The following XDH variants were observed in gnomAD, a reference collection of about 807,000 sequenced individuals.
XDH encodes the protein xanthine dehydrogenase, also known as xanthine dehydrogenase/oxidase.
Under a neutral mutation model 156.1 loss-of-function variants are expected in XDH, and 138 were observed. That is an observed-to-expected ratio of 0.88 (90% CI 0.77 to 1.02). XDH has a LOEUF of 1.02. XDH is among the 50% of genes least tolerant of loss of function. The pLI, the probability that XDH is intolerant of heterozygous loss-of-function variation, is 0.00. For synonymous variants in XDH, 669 were observed against 625.7 expected, an observed-to-expected ratio of 1.07 and a Z score of -1.03; for missense variants, 1,849 against 1,684.9, an observed-to-expected ratio of 1.10 and a Z score of -1.71.
intron 6 of XDH, among the ~76,000 whole-genome samples, chr2:31,390,115 T>C (rs1686723829): frequency 1.3e-5 from 2 of 152,344 alleles, no homozygotes; most frequent in East Asian, 1.9e-4. Flanking sequence ...TTGACCCTTA[T>C]GATATCTTAC....
At chr2:31,379,139 G>A (rs1418262613) in intron 13 of XDH, among the ~76,000 whole-genome samples, 1 of 152,094 alleles carries the variant, frequency 6.6e-6, no homozygotes, top group Non-Finnish European at 1.5e-5. Flanking sequence ...GATGTGTTCT[G>A]AGCTGGTAGC....
intron 17 of XDH, 147 bp downstream of exon 17, chr2:31,372,081 T>A: frequency 8.4e-7 from 1 of 1,191,204 alleles, no homozygotes; most frequent in Non-Finnish European, 1.2e-6. Context: ...GCCTATAAGG[T>A]CTTCCCCTCT....
intron 15 of XDH, among the ~76,000 whole-genome samples, chr2:31,375,023 C>CTTTTTTTTTTTTTTTTT (rs60340656): frequency 2.2e-5 from 2 of 92,350 alleles, no homozygotes; most frequent in African/African-American, 1.0e-4. Context: ...TTCTTTCTTT[C>CTTTTTTTTTTTTTTTTT]TTTTTTTTTT....
intron 24 of XDH, among the ~76,000 whole-genome samples, chr2:31,352,646 C>G (rs1685515762): frequency 6.6e-6 from 1 of 152,178 alleles, no homozygotes; most frequent in Admixed American, 6.5e-5. Context: ...AATTGAAAAT[C>G]TTGTAGGATG....
intron 19 of XDH, 58 bp downstream of exon 19, chr2:31,368,483 A>G: frequency 6.2e-7 from 1 of 1,606,110 alleles, no homozygotes; most frequent in Non-Finnish European, 8.5e-7. Context: ...ATCCTAATAC[A>G]TGCACATCCA....
chr2:31,359,492 T>A (rs185052488), intron 24 of XDH, among the ~76,000 whole-genome samples: 6 of 152,304 alleles, frequency 3.9e-5, no homozygotes, highest in African/African-American at 1.4e-4. Flanking sequence ...AAGATGTTTT[T>A]TTCCAACTGT....
chr2:31,397,655 G>T lies in XDH; in HGVS notation c.495+13C>A, dbSNP rs776159403. 1 of 1,614,118 alleles carries T rather than the reference G, an allele frequency of 6.2e-7. No homozygotes were observed. The highest frequency in any genetic ancestry group is 1.1e-5 in the South Asian group (1 of 91,056). ...AGAAGCAGAGACACTGATGTTCTGG[G>T]GTCCCCACTTACCCTGGCAAAGGTC... is the stretch of plus-strand genomic sequence containing the variant. On this transcript the variant is annotated intron_variant, in intron 6 of 35. Transcript: ENST00000379416.
chr2:31,367,920 C>G (rs372566017), intron 20 of XDH, 41 bp downstream of exon 20: 10 of 1,600,070 alleles, frequency 6.2e-6, no homozygotes, highest in Non-Finnish European at 8.6e-6. Context: ...ATTTGCAAAC[C>G]AGGGCCACCC....
At chr2:31,381,819 G>A in intron 11 of XDH, 93 bp from the exon 12 acceptor site, 1 of 1,152,618 alleles carries the variant, frequency 8.7e-7, no homozygotes, top group Non-Finnish European at 1.3e-6. Flanking sequence ...GGTGACACCT[G>A]CTGCAGGCAA....
Position 31,343,080 on chromosome 2 carries a change from G to A in XDH, c.3405-783C>T, listed in dbSNP as rs147435994. Among the ~76,000 whole-genome samples the A allele has an allele frequency of 6.3e-3, 960 of 151,786 alleles. 7 individuals are homozygous for A. Among genetic ancestry groups the A allele is most frequent in the Middle Eastern group, 0.02 (6 of 294 alleles). ...TCTGCACAAAAACAAAACCAATATG[G>A]GGCTGAGGGAAAAGGCTTCTCCCAG... On this transcript the variant is annotated intron_variant, in intron 31 of 35. Coordinates refer to ENST00000379416, the MANE Select transcript of XDH (RefSeq NM_000379.4).
intron 24 of XDH, among the ~76,000 whole-genome samples, chr2:31,361,202 C>T (rs1182030630): frequency 6.6e-6 from 1 of 152,212 alleles, no homozygotes; most frequent in Admixed American, 6.5e-5. Flanking sequence ...TTCCACTCAT[C>T]GTAACAGCCC....
At position 31,373,837 on chromosome 2, in the gene XDH, G is replaced by A. The variant is rs775202926; in HGVS notation, c.1686+36C>T. The A allele has an allele frequency of 3.7e-6, 6 of 1,609,870 alleles. No individual in the cohort carries two copies. The South Asian group carries it at 4.4e-5, about 12-fold the overall frequency. ...CTAGCCAACTCATGTGGCCTGCAAA[G>A]TCCCCTGATATTAGCCATACACTGA... On this transcript the variant is annotated intron_variant, in intron 16 of 35. Coordinates refer to ENST00000379416, the MANE Select transcript of XDH (RefSeq NM_000379.4).
At chr2:31,365,832 A>T in intron 22 of XDH, 144 bp downstream of exon 22, 1 of 1,400,050 alleles carries the variant, frequency 7.1e-7, no homozygotes, top group South Asian at 1.2e-5. Context: ...ACTATGCCCA[A>T]GGGTTCTAAA....
At chr2:31,374,054 C>A in intron 15 of XDH, 98 bp from the exon 16 acceptor site, 1 of 1,237,590 alleles carries the variant, frequency 8.1e-7, no homozygotes, top group Admixed American at 2.0e-5. Flanking sequence ...TAACTGATCC[C>A]CTTGTCTCTT....
intron 32 of XDH, 77 bp from the exon 33 acceptor site, chr2:31,341,471 C>T: frequency 1.4e-5 from 20 of 1,443,462 alleles, no homozygotes; most frequent in South Asian, 4.9e-5. Context: ...TCATAGTGAC[C>T]CTCAGACTAC....
At chr2:31,370,682 T>A (rs557065251) in intron 17 of XDH, among the ~76,000 whole-genome samples, 15 of 152,354 alleles carry the variant, frequency 9.8e-5, no homozygotes, top group African/African-American at 3.6e-4. Context: ...CAGGCCACTA[T>A]GCTGAATGTT....
chr2:31,362,249 ATGTAC>A (rs971391648), intron 24 of XDH, among the ~76,000 whole-genome samples: 58 of 152,280 alleles, frequency 3.8e-4, no homozygotes, highest in African/African-American at 1.3e-3. Context: ...AGGGGAGCAG[ATGTAC>A]TAGTGGAACC....
intron 9 of XDH, chr2:31,384,073 CA>C: frequency 1.9e-6 from 1 of 535,944 alleles, no homozygotes; most frequent in Non-Finnish European, 3.4e-6. Flanking sequence ...CTTTCCCTCT[CA>C]AAAAACCTAC....
At chr2:31,374,024 C>T (rs1686154849) in intron 15 of XDH, 68 bp from the exon 16 acceptor site, 2 of 1,503,534 alleles carry the variant, frequency 1.3e-6, no homozygotes, top group East Asian at 2.4e-5. Flanking sequence ...CTTGCTTGTC[C>T]ATAAAAATGA....
Sources: gnomAD v4.1 joint callset for allele counts (sites outside exome capture counted in the v4.1 genomes callset) on GRCh38, gnomAD v4.1.1 for gene constraint, MANE v1.5 for transcripts, NCBI Gene and HGNC (gene_info 2026-07-23, HGNC 2026-07-21) for gene names.